RALYL: variants seen among roughly 807,000 people sequenced by gnomAD.
RALYL encodes the protein RNA-binding Raly-like protein.
A neutral mutation model predicts 35.1 loss-of-function variants in RALYL; 29 were observed. The ratio of observed to expected loss-of-function variants is 0.83; its 90% CI spans 0.61 to 1.13. The LOEUF is 1.13. RALYL is among the 50% of genes most tolerant of loss of function. The pLI is 0.00. For synonymous variants in RALYL, 120 were observed against 127.6 expected (o/e 0.94, Z 0.40); for missense variants, 359 against 360.4 (o/e 1.00, Z 0.03).
chr8:84,735,815 A>AT (rs1563478491), intron 2 of RALYL, among the ~76,000 whole-genome samples: 2 of 123,098 alleles, frequency 1.6e-5, no homozygotes, highest in African/African-American at 4.3e-5. Flanking sequence ...AAACCGCGAG[A>AT]GAGAGAGAGA....
At chr8:84,736,941 C>T (rs1386537738) in intron 2 of RALYL, among the ~76,000 whole-genome samples, 1 of 152,014 alleles carries the variant, frequency 6.6e-6, no homozygotes, top group Non-Finnish European at 1.5e-5. Context: ...CTATTCAACA[C>T]ATTTTGAAGG....
chr8:84,770,875 G>A (rs1351521978), intron 2 of RALYL, among the ~76,000 whole-genome samples: 1 of 151,982 alleles, frequency 6.6e-6, no homozygotes, highest in Non-Finnish European at 1.5e-5. Flanking sequence ...CATATGCTTA[G>A]CCCACTTTTT....
intron 2 of RALYL, among the ~76,000 whole-genome samples, chr8:84,750,818 A>G (rs746491400): frequency 6.6e-6 from 1 of 152,088 alleles, no homozygotes. Flanking sequence ...GAAGGCCCCC[A>G]CCAGATGTGG....
At chr8:84,296,771 T>C (rs1458874428) in intron 1 of RALYL, among the ~76,000 whole-genome samples, 1 of 151,588 alleles carries the variant, frequency 6.6e-6, no homozygotes, top group Admixed American at 6.6e-5. Context: ...GATCAATCAA[T>C]AAATGGAGTA....
intron 1 of RALYL, among the ~76,000 whole-genome samples, chr8:84,415,945 G>A (rs558750278): frequency 6.6e-6 from 1 of 152,238 alleles, no homozygotes; most frequent in South Asian, 2.1e-4. Flanking sequence ...TTGTCAAGTC[G>A]CAGATTCATG....
At chr8:84,282,283 T>C (rs1836725382) in intron 1 of RALYL, among the ~76,000 whole-genome samples, 1 of 152,134 alleles carries the variant, frequency 6.6e-6, no homozygotes, top group Admixed American at 6.6e-5. Flanking sequence ...ATAGTCCCTC[T>C]TTCTCACTAG....
chr8:84,634,818 C>T (rs1031879371), intron 2 of RALYL, among the ~76,000 whole-genome samples: 1 of 151,584 alleles, frequency 6.6e-6, no homozygotes, highest in Non-Finnish European at 1.5e-5. Flanking sequence ...ACAACCACTC[C>T]GATTTTTCTT....
At chr8:84,833,771 T>C (rs1422228681) in intron 4 of RALYL, among the ~76,000 whole-genome samples, 1 of 152,050 alleles carries the variant, frequency 6.6e-6, no homozygotes, top group Non-Finnish European at 1.5e-5. Context: ...TAGTCTATGC[T>C]ATGAACTTTG....
chr8:84,649,240 C>T (rs1011579829), intron 2 of RALYL, among the ~76,000 whole-genome samples: 1 of 152,060 alleles, frequency 6.6e-6, no homozygotes, highest in Non-Finnish European at 1.5e-5. Flanking sequence ...TGCCTGTTCA[C>T]TCTGATGGTA....
chr8:84,749,462 T>C (rs1809431186), intron 2 of RALYL, among the ~76,000 whole-genome samples: 1 of 152,178 alleles, frequency 6.6e-6, no homozygotes. Context: ...AATCTGGCAT[T>C]TTCTCTTAGG....
At chr8:84,745,244 C>G (rs772839909) in intron 2 of RALYL, among the ~76,000 whole-genome samples, 10 of 151,916 alleles carry the variant, frequency 6.6e-5, no homozygotes, top group Non-Finnish European at 1.3e-4. Flanking sequence ...CTTCCACAAG[C>G]AAATATCAAG....
chr8:84,495,271 T>G (rs1418293177), intron 1 of RALYL, among the ~76,000 whole-genome samples: 1 of 152,088 alleles, frequency 6.6e-6, no homozygotes. Flanking sequence ...TAGCATATGG[T>G]GCATAGTTTC....
intron 2 of RALYL, among the ~76,000 whole-genome samples, chr8:84,577,232 T>C (rs769558779): frequency 6.6e-6 from 1 of 152,232 alleles, no homozygotes; most frequent in Non-Finnish European, 1.5e-5. Flanking sequence ...GCTGACACTA[T>C]CCACATATTT....
intron 2 of RALYL, among the ~76,000 whole-genome samples, chr8:84,530,449 C>T (rs2134976008): frequency 6.6e-6 from 1 of 151,562 alleles, no homozygotes; most frequent in East Asian, 1.9e-4. Context: ...TCCCAAATTT[C>T]CTCATCACAA....
intron 2 of RALYL, among the ~76,000 whole-genome samples, chr8:84,670,814 G>A (rs1833062819): frequency 6.6e-6 from 1 of 152,120 alleles, no homozygotes; most frequent in South Asian, 2.1e-4. Context: ...TTTGGGTGAG[G>A]ACAGAGCCAA....
At chr8:84,567,082 AG>A (rs2135703604) in intron 2 of RALYL, among the ~76,000 whole-genome samples, 1 of 151,844 alleles carries the variant, frequency 6.6e-6, no homozygotes, top group South Asian at 2.1e-4. Context: ...TTTTTTGAAT[AG>A]GGTTGTTTAT....
At chr8:84,900,072 T>C (rs1845408970) in intron 8 of RALYL, among the ~76,000 whole-genome samples, 1 of 152,152 alleles carries the variant, frequency 6.6e-6, no homozygotes, top group Non-Finnish European at 1.5e-5. Context: ...GATACACAAT[T>C]TTCAAACAGC....
intron 4 of RALYL, among the ~76,000 whole-genome samples, chr8:84,829,681 CA>C (rs1227424094): frequency 6.6e-6 from 1 of 152,106 alleles, no homozygotes; most frequent in African/African-American, 2.4e-5. Context: ...TTAAAAGATA[CA>C]GGTGACTCTT....
chr8:84,247,717 C>T (rs1281303079), intron 1 of RALYL, among the ~76,000 whole-genome samples: 1 of 152,022 alleles, frequency 6.6e-6, no homozygotes, highest in African/African-American at 2.4e-5. Flanking sequence ...TAAAGTACCC[C>T]TTCAAGTGTA....
Sources: allele counts gnomAD v4.1 joint callset (sites outside exome capture counted in the v4.1 genomes callset), GRCh38; gene constraint gnomAD v4.1.1; transcripts MANE v1.5; gene names NCBI Gene and HGNC (gene_info 2026-07-23, HGNC 2026-07-21).